The following NRXN3 variants were observed in gnomAD, a reference collection of about 807,000 sequenced individuals.
The protein encoded by NRXN3 is neurexin 3.
A neutral mutation model predicts 137.6 loss-of-function variants in NRXN3; 32 were observed. The observed-to-expected ratio is 0.23, with a 90% CI of 0.18 to 0.31. The LOEUF is 0.31. Among genes scored for constraint, NRXN3 ranks in the 10% least tolerant of loss-of-function variants. The probability of loss-of-function intolerance (pLI) is 1.00; values close to 1 mark genes in which losing one functional copy is unlikely to be tolerated. For synonymous variants in NRXN3, 798 were observed against 784.5 expected (o/e 1.02, Z -0.29); for missense variants, 1,574 against 2,062.5 (o/e 0.76, Z 4.59).
chr14:79,773,635 G>T (rs1603482114), intron 19 of NRXN3, among the ~76,000 whole-genome samples: 1 of 112,660 alleles, frequency 8.9e-6, no homozygotes, highest in Non-Finnish European at 1.7e-5. Context: ...TTTTGGGGTG[G>T]GGGGAGGGGG....
At chr14:78,881,828 G>A (rs780619711) in intron 10 of NRXN3, among the ~76,000 whole-genome samples, 5 of 151,630 alleles carry the variant, frequency 3.3e-5, no homozygotes, top group Non-Finnish European at 7.3e-5. Flanking sequence ...CATAAGTAAT[G>A]AACCAAATGT....
At chr14:79,406,392 C>T (rs2095313208) in intron 15 of NRXN3, among the ~76,000 whole-genome samples, 1 of 152,012 alleles carries the variant, frequency 6.6e-6, no homozygotes, top group Admixed American at 6.6e-5. Context: ...CCAACTTCTG[C>T]CTCCTGGGCT....
intron 15 of NRXN3, among the ~76,000 whole-genome samples, chr14:79,348,378 C>CTCTCTTTTTTTT (rs535595782): frequency 1.5e-5 from 2 of 135,962 alleles, no homozygotes; most frequent in African/African-American, 5.8e-5. Flanking sequence ...AATCTTCTCT[C>CTCTCTTTTTTTT]TTTTTTTTTT....
intron 15 of NRXN3, among the ~76,000 whole-genome samples, chr14:79,125,115 A>G (rs957188935): frequency 2.8e-4 from 43 of 152,170 alleles, no homozygotes; most frequent in African/African-American, 9.9e-4. Flanking sequence ...AAACTATTAC[A>G]AATACACTAC....
intron 1 of NRXN3, among the ~76,000 whole-genome samples, chr14:78,199,308 TC>T (rs1033202899): frequency 8.0e-5 from 12 of 150,624 alleles, no homozygotes; most frequent in East Asian, 2.0e-4. Flanking sequence ...GAGACACCCC[TC>T]CCCCCCCACA....
intron 8 of NRXN3, among the ~76,000 whole-genome samples, chr14:78,789,772 T>G (rs1439728051): frequency 1.3e-5 from 2 of 152,162 alleles, no homozygotes; most frequent in Non-Finnish European, 2.9e-5. Context: ...CAGAGTGCCT[T>G]CCCACTCTTC....
At chr14:79,144,541 T>C (rs2059116527) in intron 15 of NRXN3, among the ~76,000 whole-genome samples, 1 of 152,160 alleles carries the variant, frequency 6.6e-6, no homozygotes, top group South Asian at 2.1e-4. Flanking sequence ...CCATCATGCC[T>C]CTTGTCTGGG....
intron 4 of NRXN3, among the ~76,000 whole-genome samples, chr14:78,315,540 G>T (rs887820198): frequency 9.9e-5 from 15 of 152,184 alleles, no homozygotes; most frequent in Non-Finnish European, 2.2e-4. Flanking sequence ...GTATTTTGTT[G>T]TATTTTAAAT....
At chr14:79,210,893 C>T (rs1022908831) in intron 15 of NRXN3, among the ~76,000 whole-genome samples, 3 of 152,102 alleles carry the variant, frequency 2.0e-5, no homozygotes, top group Non-Finnish European at 4.4e-5. Flanking sequence ...CTTAGAGAAA[C>T]ACAGGGCTCT....
At chr14:79,121,239 C>A (rs1819794359) in intron 15 of NRXN3, among the ~76,000 whole-genome samples, 1 of 152,158 alleles carries the variant, frequency 6.6e-6, no homozygotes, top group African/African-American at 2.4e-5. Context: ...CGACTGAGAG[C>A]ACCTGCTCCC....
chr14:79,436,467 T>C (rs1425268288), intron 15 of NRXN3, among the ~76,000 whole-genome samples: 3 of 152,186 alleles, frequency 2.0e-5, no homozygotes, highest in Non-Finnish European at 4.4e-5. Context: ...ATAATCATTC[T>C]TGAGCTGTTT....
intron 4 of NRXN3, among the ~76,000 whole-genome samples, chr14:78,369,494 T>C (rs555363635): frequency 7.2e-5 from 11 of 152,326 alleles, no homozygotes; most frequent in African/African-American, 2.4e-4. Context: ...GGAAAGTTTT[T>C]GGTGTTTCTA....
At chr14:79,493,165 G>A (rs1279079555) in intron 16 of NRXN3, among the ~76,000 whole-genome samples, 1 of 152,188 alleles carries the variant, frequency 6.6e-6, no homozygotes, top group Non-Finnish European at 1.5e-5. Context: ...TCCACTGGGA[G>A]GCAATGTCCA....
intron 16 of NRXN3, among the ~76,000 whole-genome samples, chr14:79,468,267 G>A (rs2096456244): frequency 6.6e-6 from 1 of 152,162 alleles, no homozygotes; most frequent in African/African-American, 2.4e-5. Flanking sequence ...TATTTTTACA[G>A]CAACAATTAA....
chr14:79,162,266 A>G lies in NRXN3; in HGVS notation c.3262+174125A>G, dbSNP rs1474100132. On this transcript the variant is annotated intron_variant, in intron 15 of 20. Transcript: ENST00000335750. Reference sequence around the variant, plus strand: ...ACTAACTCGTCATCTAGCATTAGGTATATCTCCCAATGCTATCCCGCCCCC... The same window carrying G: ...ACTAACTCGTCATCTAGCATTAGGTGTATCTCCCAATGCTATCCCGCCCCC... Among the ~76,000 whole-genome samples the G allele has an allele frequency of 3.3e-4, 49 of 148,820 alleles. 1 individual carries two copies. The highest frequency in any genetic ancestry group is 4.0e-4 in the Admixed American group (6 of 14,946).
intron 20 of NRXN3, among the ~76,000 whole-genome samples, chr14:79,848,957 G>C (rs1356969550): frequency 6.6e-6 from 1 of 152,134 alleles, no homozygotes; most frequent in Non-Finnish European, 1.5e-5. Flanking sequence ...CCCCAAACTT[G>C]CATGTCCTCC....
At chr14:78,960,217 T>C (rs965162558) in intron 11 of NRXN3, among the ~76,000 whole-genome samples, 1 of 152,172 alleles carries the variant, frequency 6.6e-6, no homozygotes, top group African/African-American at 2.4e-5. Flanking sequence ...GCCAGAAGGA[T>C]AAAGAAATTT....
chr14:78,971,511 T>C (rs994965152), intron 14 of NRXN3, among the ~76,000 whole-genome samples: 4 of 152,104 alleles, frequency 2.6e-5, no homozygotes, highest in African/African-American at 2.4e-5. Flanking sequence ...ATCAAAGTCA[T>C]TGACAATGAC....
chr14:79,599,024 T>C (rs1288545764), intron 16 of NRXN3, among the ~76,000 whole-genome samples: 2 of 152,224 alleles, frequency 1.3e-5, no homozygotes, highest in African/African-American at 4.8e-5. Context: ...CTCTGCACTT[T>C]TAAAATCAAC....
Sources: gnomAD v4.1 joint callset for allele counts (sites outside exome capture counted in the v4.1 genomes callset) on GRCh38, gnomAD v4.1.1 for gene constraint, MANE v1.5 for transcripts, NCBI Gene and HGNC (gene_info 2026-07-23, HGNC 2026-07-21) for gene names.